RGS20: variants seen among roughly 807,000 people sequenced by gnomAD.
The protein encoded by RGS20 is gz-selective GTPase-activating protein.
A neutral mutation model predicts 33.6 loss-of-function variants in RGS20; 30 were observed. The ratio of observed to expected loss-of-function variants is 0.89; its 90% CI spans 0.67 to 1.21. RGS20 has a LOEUF of 1.21. Among genes scored for constraint, RGS20 ranks in the 50% most tolerant of loss-of-function variants. RGS20 has a pLI of 0.00. For synonymous variants in RGS20, 208 were observed against 197.9 expected (o/e 1.05, Z -0.43); for missense variants, 472 against 502.4 (o/e 0.94, Z 0.58).
chr8:53,902,663 G>T (rs1813062385), intron 2 of RGS20, among the ~76,000 whole-genome samples: 1 of 152,118 alleles, frequency 6.6e-6, no homozygotes, highest in Non-Finnish European at 1.5e-5. Flanking sequence ...TGACCAATAG[G>T]TTATGGATAC....
At chr8:53,870,940 G>A (rs1478403125) in intron 1 of RGS20, among the ~76,000 whole-genome samples, 3 of 151,544 alleles carry the variant, frequency 2.0e-5, no homozygotes, top group Non-Finnish European at 4.4e-5. Context: ...GAGAAACTGT[G>A]TCTCTACTAA....
At chr8:53,892,884 T>C (rs1019900496) in intron 2 of RGS20, among the ~76,000 whole-genome samples, 6 of 152,202 alleles carry the variant, frequency 3.9e-5, no homozygotes, top group African/African-American at 1.4e-4. Context: ...ATAAAAGACC[T>C]GTACCATGAC....
At chr8:53,909,089 T>A (rs1432123530) in intron 2 of RGS20, among the ~76,000 whole-genome samples, 1 of 150,508 alleles carries the variant, frequency 6.6e-6, no homozygotes, top group South Asian at 2.1e-4. Context: ...ATGAGCCAGA[T>A]ACTATTATTT....
At chr8:53,945,910 T>TA (rs1814462378) in intron 3 of RGS20, among the ~76,000 whole-genome samples, 1 of 151,694 alleles carries the variant, frequency 6.6e-6, no homozygotes, top group African/African-American at 2.4e-5. Context: ...ATAGCATTCA[T>TA]ATTACAACAA....
intron 2 of RGS20, among the ~76,000 whole-genome samples, chr8:53,915,144 C>CA (rs34526937): frequency 0.4 from 58,457 of 145,182 alleles, 14,536 homozygotes; most frequent in African/African-American, 0.73. Context: ...GGCTCTGTCT[C>CA]AAAAAAAAAA....
At chr8:53,891,345 G>A (rs151267115) in intron 2 of RGS20, among the ~76,000 whole-genome samples, 17 of 152,280 alleles carry the variant, frequency 1.1e-4, no homozygotes, top group African/African-American at 3.1e-4. Flanking sequence ...TGGGCCAGGC[G>A]CAGTGGCTCA....
At chr8:53,859,104 T>A in intron 1 of RGS20, among the ~76,000 whole-genome samples, 1 of 152,174 alleles carries the variant, frequency 6.6e-6, no homozygotes, top group East Asian at 1.9e-4. Context: ...AGATAGTCAC[T>A]CAGATTTTTT....
chr8:53,886,494 G>A (rs1392136582), intron 2 of RGS20, among the ~76,000 whole-genome samples: 1 of 152,186 alleles, frequency 6.6e-6, no homozygotes, highest in African/African-American at 2.4e-5. Flanking sequence ...ATTAAAGCCA[G>A]TTGACCTTTT....
rs185702734 is a variant in RGS20 at position 53,851,845 on chromosome 8, C to T, written c.-55C>T. The T allele has an allele frequency of 1.1e-5, 17 of 1,575,902 alleles. No homozygotes were observed. The South Asian group carries it at 1.6e-4, about 15-fold the overall frequency. Reference sequence around the variant, plus strand: ...AAAGAGAAGCAGAGTGGATCCTGTGCTAATATTGGGAAAACCAGGCAACAG... The same window carrying T: ...AAAGAGAAGCAGAGTGGATCCTGTGTTAATATTGGGAAAACCAGGCAACAG... On this transcript the variant is annotated 5_prime_UTR_variant, in exon 1 of 6. Transcript: ENST00000297313.
At chr8:53,881,942 G>A (rs1258488265) in intron 2 of RGS20, among the ~76,000 whole-genome samples, 1 of 152,142 alleles carries the variant, frequency 6.6e-6, no homozygotes. Flanking sequence ...GGTGCAGGCT[G>A]CAGCTGGGGA....
chr8:53,862,537 G>T (rs527470279), intron 1 of RGS20, among the ~76,000 whole-genome samples: 1 of 152,292 alleles, frequency 6.6e-6, no homozygotes, highest in Admixed American at 6.5e-5. Context: ...AAATTAGCTG[G>T]AGGGCTAGGC....
chr8:53,870,195 A>G (rs1178235166), intron 1 of RGS20, among the ~76,000 whole-genome samples: 1 of 152,114 alleles, frequency 6.6e-6, no homozygotes, highest in Non-Finnish European at 1.5e-5. Context: ...ACCACTCTTC[A>G]CTTTTTTCAG....
chr8:53,948,245 T>C (rs1326549230), intron 4 of RGS20, among the ~76,000 whole-genome samples: 1 of 137,002 alleles, frequency 7.3e-6, no homozygotes, highest in Non-Finnish European at 1.5e-5. Flanking sequence ...GCTATATATA[T>C]GATAGTATAT....
At chr8:53,858,158 T>C (rs1419749800) in intron 1 of RGS20, among the ~76,000 whole-genome samples, 3 of 152,226 alleles carry the variant, frequency 2.0e-5, no homozygotes, top group South Asian at 2.1e-4. Context: ...TACCAGCTAA[T>C]GCCTTTCAAA....
chr8:53,880,897 A>C (rs1462245602), intron 2 of RGS20: 1 of 1,499,610 alleles, frequency 6.7e-7, no homozygotes, highest in African/African-American at 1.4e-5. Context: ...AGAGGCCGGG[A>C]GAAGAGGGCT....
chr8:53,955,721 C>T (rs144780189), intron 5 of RGS20, among the ~76,000 whole-genome samples: 8,275 of 152,222 alleles, frequency 0.054, 500 homozygotes, highest in South Asian at 0.28. Context: ...ATCCCAGCTA[C>T]TCAGGAGACT....
intron 1 of RGS20, among the ~76,000 whole-genome samples, chr8:53,861,776 A>G (rs1409230795): frequency 1.3e-5 from 2 of 152,276 alleles, no homozygotes; most frequent in Non-Finnish European, 2.9e-5. Context: ...GCTTATGATC[A>G]GCAAATAAAA....
intron 2 of RGS20, among the ~76,000 whole-genome samples, chr8:53,893,776 A>G (rs1279021993): frequency 6.6e-6 from 1 of 152,212 alleles, no homozygotes; most frequent in Non-Finnish European, 1.5e-5. Flanking sequence ...ACTTATTAAC[A>G]AAAACACCAG....
rs985878685 is a variant in RGS20 at position 53,879,406 on chromosome 8, C to A, written c.314C>A (p.Ser105Tyr). ...GCTCCCCGGAGGCGCCTGGACTTCTCCCCCCTGCTTCCCGCCCTGCCGGCC... is the reference window on the plus strand; with the variant it reads ...GCTCCCCGGAGGCGCCTGGACTTCTACCCCCTGCTTCCCGCCCTGCCGGCC... The change falls in exon 2 of 6, where the codon TCC becomes TAC. Residue 105 changes from serine to tyrosine, a missense_variant. Physicochemically the swap from Ser to Tyr is moderately radical, Grantham distance 144. Around this residue, in one of 3 missense-constraint regions of RGS20, gnomAD observed 319 missense variants for 283.4 expected, o/e 1.13. Coordinates refer to ENST00000297313, the MANE Select transcript of RGS20 (RefSeq NM_170587.4). 3 of 1,609,766 alleles carry A rather than the reference C, an allele frequency of 1.9e-6. No homozygotes were observed. The highest frequency in any genetic ancestry group is 1.3e-5 in the African/African-American group (1 of 74,674).
Sources: allele counts gnomAD v4.1 joint callset (sites outside exome capture counted in the v4.1 genomes callset), GRCh38; gene constraint gnomAD v4.1.1; regional missense constraint gnomAD v4.1.1; transcripts MANE v1.5; gene names NCBI Gene and HGNC (gene_info 2026-07-23, HGNC 2026-07-21).